ACACB: variants seen among roughly 807,000 people sequenced by gnomAD.
ACACB encodes the protein acetyl-CoA carboxylase 2.
Under a neutral mutation model 278.8 loss-of-function variants are expected in ACACB, and 209 were observed. That is an observed-to-expected ratio of 0.75 (90% CI 0.67 to 0.84). The LOEUF is 0.84. Among genes scored for constraint, ACACB ranks in the 40% least tolerant of loss-of-function variants. The pLI is 0.00. For synonymous variants in ACACB, 1,174 were observed against 1,285.6 expected (o/e 0.91, Z 1.86); for missense variants, 2,850 against 3,269.0 (o/e 0.87, Z 3.13).
upstream of ACACB, among the ~76,000 whole-genome samples, chr12:109,112,529 CCT>C (rs1202630969): frequency 6.6e-6 from 1 of 151,706 alleles, no homozygotes. Flanking sequence ...ATGGAGAAAC[CCT>C]GTCTCCACTA....
At chr12:109,207,685 C>A (rs1391249704) in intron 20 of ACACB, among the ~76,000 whole-genome samples, 1 of 152,112 alleles carries the variant, frequency 6.6e-6, no homozygotes, top group African/African-American at 2.4e-5. Flanking sequence ...TGTGTCACCC[C>A]CCTTTGTTTT....
At position 109,166,976 on chromosome 12, in the gene ACACB, G is replaced by T. The variant is rs998573576; in HGVS notation, c.769G>T (p.Asp257Tyr). Reference protein sequence around the residue: ...PAEFVTRFGGDRVIEKVLIAN... With the variant: ...PAEFVTRFGGYRVIEKVLIAN... ...TGAGTTTGTCACACGCTTTGGGGGG[G>T]ATCGGGTCATCGAGAAGGTACAGAT... is the stretch of plus-strand genomic sequence containing the variant. Residue 257 changes from aspartate to tyrosine, a missense_variant, in exon 3 of 53, where the codon GAT (aspartate) becomes TAT (tyrosine). Physicochemically the swap from Asp to Tyr is radical, Grantham distance 160. Coordinates refer to ENST00000338432, the MANE Select transcript of ACACB (RefSeq NM_001093.4). The T allele has an allele frequency of 6.2e-7, 1 of 1,614,018 alleles. No individual in the cohort carries two copies. The highest frequency in any genetic ancestry group is 2.2e-5 in the East Asian group (1 of 44,848).
intron 1 of ACACB, among the ~76,000 whole-genome samples, chr12:109,129,584 T>C (rs2042771037): frequency 6.6e-6 from 1 of 152,204 alleles, no homozygotes; most frequent in Admixed American, 6.5e-5. Flanking sequence ...CCAGAGTCCT[T>C]AGGAGCATCC....
chr12:109,123,038 G>C (rs940713449), intron 1 of ACACB, among the ~76,000 whole-genome samples: 2 of 151,888 alleles, frequency 1.3e-5, no homozygotes, highest in East Asian at 3.9e-4. Context: ...AAAATTAGCC[G>C]GGCGTGGTGG....
chr12:109,195,558 A>G (rs1286599516), intron 16 of ACACB, among the ~76,000 whole-genome samples: 1 of 152,206 alleles, frequency 6.6e-6, no homozygotes, highest in Non-Finnish European at 1.5e-5. Flanking sequence ...AGGAAAACAA[A>G]TCCATCATGT....
At chr12:109,154,293 A>T (rs2136092526) in intron 2 of ACACB, among the ~76,000 whole-genome samples, 1 of 152,330 alleles carries the variant, frequency 6.6e-6, no homozygotes, top group South Asian at 2.1e-4. Context: ...GGAGGTGAAA[A>T]GATGAGAGAA....
chr12:109,250,198 A>G, intron 41 of ACACB, 94 bp downstream of exon 41: 5 of 1,352,054 alleles, frequency 3.7e-6, no homozygotes, highest in South Asian at 1.6e-5. Flanking sequence ...AATAAGCCCC[A>G]TGTGCCCGTC....
intron 33 of ACACB, chr12:109,236,215 G>A (rs1188279209): frequency 6.5e-6 from 1 of 152,994 alleles, no homozygotes; most frequent in Non-Finnish European, 1.5e-5. Flanking sequence ...AGCAACTTTT[G>A]TGTAGACTGC....
rs550617913 is a variant in ACACB, at chr12:109,153,520, G to A, written c.654-13341G>A. Among the ~76,000 whole-genome samples, 6 of 152,300 alleles carry A rather than the reference G, an allele frequency of 3.9e-5. 1 individual carries two copies. In the South Asian group the frequency reaches 1.2e-3, roughly 32 times the overall value. On this transcript the variant is annotated intron_variant, in intron 2 of 52. Coordinates refer to ENST00000338432, the MANE Select transcript of ACACB (RefSeq NM_001093.4). Reference sequence around the variant, plus strand: ...AGAACCGCAGAGTGATTACCCAGAAGGGAATTTACTGGCCAGCATTTACAT... The same window carrying A: ...AGAACCGCAGAGTGATTACCCAGAAAGGAATTTACTGGCCAGCATTTACAT...
At chr12:109,216,729 C>T in intron 23 of ACACB, 23 bp downstream of exon 23, 2 of 1,614,132 alleles carry the variant, frequency 1.2e-6, no homozygotes, top group Non-Finnish European at 1.7e-6. Flanking sequence ...GATGCCAACA[C>T]CAGTGGGATG....
chr12:109,240,991 T>G (rs2046779924), intron 35 of ACACB, 87 bp from the exon 36 acceptor site: 1 of 1,373,714 alleles, frequency 7.3e-7, no homozygotes, highest in East Asian at 2.3e-5. Context: ...AGTCAGTATA[T>G]CTCATCCTCT....
In ACACB at chr12:109,267,924, G is replaced by A. The variant is rs573630760; in HGVS notation, c.*1562G>A. The stretch of plus-strand genomic sequence containing the variant: ...TGCCCAGGGAAGCCTCCAAAAGCTG[G>A]GATGCTTGAGGGTATCCAAGTTGAA... On this transcript the variant is annotated 3_prime_UTR_variant, in exon 53 of 53. Coordinates refer to ENST00000338432, the MANE Select transcript of ACACB (RefSeq NM_001093.4). 6.6e-6 allele frequency: 1 copy of A among 152,304 alleles called. No individual in the cohort carries two copies. Among genetic ancestry groups the A allele is most frequent in the South Asian group, 2.1e-4 (1 of 4,822 alleles). 9.4% of individuals were successfully genotyped at this position (152,304 alleles called of 1,614,324 possible). A position where few individuals can be genotyped will look rare whatever the true frequency, so the allele number is the denominator to read the frequency against.
At chr12:109,215,942 A>G (rs1380142838) in intron 22 of ACACB, among the ~76,000 whole-genome samples, 1 of 151,798 alleles carries the variant, frequency 6.6e-6, no homozygotes, top group African/African-American at 2.4e-5. Flanking sequence ...GACCACAGTC[A>G]TGCGCTACCA....
At position 109,171,905 on chromosome 12, in the gene ACACB, C is replaced by A. The variant is rs779296995; in HGVS notation, c.1026C>A (p.Ile342=). The A allele has an allele frequency of 3.7e-6, 6 of 1,613,850 alleles. No homozygotes were observed. The highest frequency in any genetic ancestry group is 5.1e-6 in the Non-Finnish European group (6 of 1,179,798). Residue 342 remains isoleucine, a synonymous_variant, in exon 5 of 53, where the codon ATC becomes ATA. Transcript: ENST00000338432. ...TGATTGTGGACATTGCCAAGAGAATCCCCGTGCAGGTAGATGGACTGGGGT... is the reference window on the plus strand; with the variant it reads ...TGATTGTGGACATTGCCAAGAGAATACCCGTGCAGGTAGATGGACTGGGGT... The part of the protein sequence containing the change: ...VELIVDIAKR[I]PVQAVWAGWG...
intron 12 of ACACB, among the ~76,000 whole-genome samples, chr12:109,186,074 G>T (rs1384238861): frequency 6.6e-6 from 1 of 152,072 alleles, no homozygotes. Context: ...GGGATTACAG[G>T]CGCCCGCCAC....
chr12:109,216,747 G>A (rs766008442), intron 23 of ACACB, 41 bp downstream of exon 23: 10 of 1,614,146 alleles, frequency 6.2e-6, no homozygotes, highest in Non-Finnish European at 8.5e-6. Flanking sequence ...ATGGTGGGGG[G>A]CGTGAGGAGC....
At chr12:109,237,492 C>T (rs955838227) in intron 34 of ACACB, 112 bp downstream of exon 34, 19 of 1,140,026 alleles carry the variant, frequency 1.7e-5, no homozygotes, top group South Asian at 3.0e-5. Context: ...AGTACACCAA[C>T]ACCCAGGGTC....
At chr12:109,207,880 G>A (rs367555472) in intron 20 of ACACB, among the ~76,000 whole-genome samples, 7 of 151,932 alleles carry the variant, frequency 4.6e-5, no homozygotes, top group South Asian at 4.2e-4. Flanking sequence ...GGGTTCTACC[G>A]TGTTGGCCAG....
At chr12:109,137,941 C>T (rs948736529) in intron 1 of ACACB, among the ~76,000 whole-genome samples, 6 of 151,674 alleles carry the variant, frequency 4.0e-5, no homozygotes, top group East Asian at 1.9e-4. Context: ...CTCTGTTGCC[C>T]GGGCTGGAAT....
Sources: allele counts gnomAD v4.1 joint callset (sites outside exome capture counted in the v4.1 genomes callset), GRCh38; gene constraint gnomAD v4.1.1; transcripts MANE v1.5; gene names NCBI Gene and HGNC (gene_info 2026-07-23, HGNC 2026-07-21).